Variants in L3MBTL4 observed in about 807,000 individuals in gnomAD.
L3MBTL4 encodes the protein L3MBTL histone methyl-lysine binding protein 4, also known as lethal(3)malignant brain tumor-like protein 4.
A neutral mutation model predicts 84.5 loss-of-function variants in L3MBTL4; 70 were observed. The ratio of observed to expected loss-of-function variants is 0.83; its 90% CI spans 0.68 to 1.01. L3MBTL4 has a LOEUF of 1.01. L3MBTL4 is among the 50% of genes least tolerant of loss of function. The pLI, the probability that L3MBTL4 is intolerant of heterozygous loss-of-function variation, is 0.00. For missense variants in L3MBTL4, 715 were observed against 754.8 expected, an observed-to-expected ratio of 0.95 and a Z score of 0.62; for synonymous variants, 274 against 259.8, an observed-to-expected ratio of 1.05 and a Z score of -0.52.
intron 1 of L3MBTL4, among the ~76,000 whole-genome samples, chr18:6,335,431 G>A (rs562997724): frequency 1.3e-5 from 2 of 152,184 alleles, no homozygotes; most frequent in Non-Finnish European, 2.9e-5. Flanking sequence ...TGCTATCACA[G>A]CAAACTAATT....
At chr18:6,185,426 G>C (rs1019315959) in intron 12 of L3MBTL4, among the ~76,000 whole-genome samples, 1 of 152,126 alleles carries the variant, frequency 6.6e-6, no homozygotes, top group Admixed American at 6.5e-5. Flanking sequence ...GACTCATGAA[G>C]ACAGGAGGAG....
intron 13 of L3MBTL4, among the ~76,000 whole-genome samples, chr18:6,145,352 C>A (rs2042602784): frequency 6.6e-6 from 1 of 152,100 alleles, no homozygotes; most frequent in Non-Finnish European, 1.5e-5. Context: ...AATGTACTCT[C>A]TTCTCAGAAC....
intron 1 of L3MBTL4, among the ~76,000 whole-genome samples, chr18:6,398,275 C>A (rs1002314089): frequency 6.6e-6 from 1 of 152,176 alleles, no homozygotes; most frequent in Non-Finnish European, 1.5e-5. Context: ...ACTTCAGATA[C>A]TGAGTGTTAA....
chr18:6,284,209 A>C (rs1388312521), intron 4 of L3MBTL4, among the ~76,000 whole-genome samples: 1 of 152,226 alleles, frequency 6.6e-6, no homozygotes, highest in Non-Finnish European at 1.5e-5. Flanking sequence ...TTAAGGAATT[A>C]GTCTATTCTA....
intron 12 of L3MBTL4, among the ~76,000 whole-genome samples, chr18:6,185,285 A>G (rs2044669788): frequency 6.6e-6 from 1 of 152,242 alleles, no homozygotes; most frequent in Non-Finnish European, 1.5e-5. Flanking sequence ...TGAGGACTCA[A>G]GTGGGAAATA....
rs144649931 is a variant in L3MBTL4, at chr18:6,189,436, C to T, written c.982-17494G>A. On this transcript the variant is annotated intron_variant, in intron 12 of 18. Transcript: ENST00000317931. Reference sequence around the variant, plus strand: ...TAGCCACCTAACAGAAGAAAAGGCACGGCCCTTTCTGAGGGAAAACAATGC... The same window carrying T: ...TAGCCACCTAACAGAAGAAAAGGCATGGCCCTTTCTGAGGGAAAACAATGC... 1.8e-3 allele frequency among the ~76,000 whole-genome samples: 278 copies of T among 152,270 alleles called. 1 individual carries two copies. Among genetic ancestry groups the T allele is most frequent in the Middle Eastern group, 0.01 (3 of 294 alleles).
At chr18:6,288,962 G>A (rs957284007) in intron 4 of L3MBTL4, among the ~76,000 whole-genome samples, 18 of 151,614 alleles carry the variant, frequency 1.2e-4, no homozygotes, top group Admixed American at 5.3e-4. Context: ...CCCTTCTTGC[G>A]TCCTTAAATT....
chr18:6,162,463 C>T (rs547145730), intron 13 of L3MBTL4, among the ~76,000 whole-genome samples: 1 of 152,200 alleles, frequency 6.6e-6, no homozygotes, highest in African/African-American at 2.4e-5. Flanking sequence ...TTAATGTTGG[C>T]CAGCTGACTT....
intron 1 of L3MBTL4, among the ~76,000 whole-genome samples, chr18:6,316,699 G>T (rs1036185425): frequency 8.5e-5 from 13 of 152,142 alleles, no homozygotes. Context: ...CATGAAAACA[G>T]GTGCCTGTCT....
At chr18:6,178,150 A>G (rs1414966234) in intron 12 of L3MBTL4, among the ~76,000 whole-genome samples, 1 of 152,184 alleles carries the variant, frequency 6.6e-6, no homozygotes, top group African/African-American at 2.4e-5. Flanking sequence ...ATATTTTTAC[A>G]TACCCTATTC....
chr18:6,087,860 T>C (rs2058309235), intron 15 of L3MBTL4, among the ~76,000 whole-genome samples: 1 of 152,228 alleles, frequency 6.6e-6, no homozygotes, highest in African/African-American at 2.4e-5. Context: ...TCAATGTCTA[T>C]ATCTACCTAC....
At chr18:6,264,628 A>G (rs568384938) in intron 4 of L3MBTL4, among the ~76,000 whole-genome samples, 2 of 152,340 alleles carry the variant, frequency 1.3e-5, no homozygotes, top group South Asian at 4.1e-4. Context: ...TACTAAAAAT[A>G]CAAAAATTAG....
chr18:6,412,222 G>C (rs943827124), intron 1 of L3MBTL4, among the ~76,000 whole-genome samples: 3 of 152,032 alleles, frequency 2.0e-5, no homozygotes, highest in Non-Finnish European at 4.4e-5. Context: ...CCACTTGTAA[G>C]TGAGAACGTG....
At chr18:6,045,060 C>T (rs1351857675) in intron 16 of L3MBTL4, among the ~76,000 whole-genome samples, 1 of 152,090 alleles carries the variant, frequency 6.6e-6, no homozygotes, top group Non-Finnish European at 1.5e-5. Flanking sequence ...CTGACTAGTG[C>T]TTGGAAAAGA....
intron 1 of L3MBTL4, among the ~76,000 whole-genome samples, chr18:6,409,587 G>A (rs2055881322): frequency 6.6e-6 from 1 of 152,072 alleles, no homozygotes; most frequent in Admixed American, 6.6e-5. Flanking sequence ...TATGTGTTTG[G>A]GTGCATGTGC....
At chr18:6,374,644 C>A (rs16949991) in intron 1 of L3MBTL4, among the ~76,000 whole-genome samples, 3,774 of 152,226 alleles carry the variant, frequency 0.025, 156 homozygotes, top group African/African-American at 0.087. Flanking sequence ...CTGGAGCCTG[C>A]GTGCTGTTCT....
At chr18:6,267,393 A>C (rs923137722) in intron 4 of L3MBTL4, among the ~76,000 whole-genome samples, 1 of 152,232 alleles carries the variant, frequency 6.6e-6, no homozygotes, top group Non-Finnish European at 1.5e-5. Context: ...CTCACAGTCC[A>C]TTGGCCCATT....
intron 14 of L3MBTL4, among the ~76,000 whole-genome samples, chr18:6,119,831 T>C (rs1019933461): frequency 2.0e-5 from 3 of 152,164 alleles, no homozygotes; most frequent in African/African-American, 7.2e-5. Context: ...TCTGCATATA[T>C]GTCTGGGAAT....
chr18:6,199,560 A>T (rs1329943128), intron 12 of L3MBTL4, among the ~76,000 whole-genome samples: 2 of 152,218 alleles, frequency 1.3e-5, no homozygotes, highest in African/African-American at 4.8e-5. Flanking sequence ...TACTGCCTGG[A>T]CAAGTGGGTG....
Sources: gnomAD v4.1 joint callset for allele counts (sites outside exome capture counted in the v4.1 genomes callset) on GRCh38, gnomAD v4.1.1 for gene constraint, MANE v1.5 for transcripts, NCBI Gene and HGNC (gene_info 2026-07-23, HGNC 2026-07-21) for gene names.